The following MAGI2 variants were observed in gnomAD, a reference collection of about 807,000 sequenced individuals.
The protein encoded by MAGI2 is membrane-associated guanylate kinase, WW and PDZ domain-containing protein 2.
Under a neutral mutation model 133.3 loss-of-function variants are expected in MAGI2, and 35 were observed. That is an observed-to-expected ratio of 0.26 (90% confidence interval 0.20 to 0.35). MAGI2 has a LOEUF of 0.35. Ranked by LOEUF, MAGI2 falls within the 10% of genes least tolerant of loss-of-function variation. The pLI is 1.00. For synonymous variants in MAGI2, 729 were observed against 710.6 expected, an observed-to-expected ratio of 1.03 and a Z score of -0.41; for missense variants, 1,636 against 1,863.4, an observed-to-expected ratio of 0.88 and a Z score of 2.25.
intron 9 of MAGI2, among the ~76,000 whole-genome samples, chr7:78,292,915 T>A (rs566630283): frequency 4.5e-4 from 69 of 152,140 alleles, no homozygotes; most frequent in African/African-American, 1.5e-3. Flanking sequence ...CTTCCTTACA[T>A]CTTATACAAA....
chr7:79,125,148 CAGAGGCAGTGGTAAGAAA>C (rs1247972451), intron 1 of MAGI2: 1 of 320,484 alleles, frequency 3.1e-6, no homozygotes, highest in Non-Finnish European at 6.1e-6. Context: ...TCATTACTGA[CAGAGGCAGTGGTAAGAAA>C]AGGGGCTTTG....
intron 2 of MAGI2, among the ~76,000 whole-genome samples, chr7:78,892,653 T>C (rs1796863467): frequency 6.6e-6 from 1 of 152,170 alleles, no homozygotes; most frequent in Non-Finnish European, 1.5e-5. Context: ...TAATAAATGG[T>C]GCTGGGAAAA....
intron 10 of MAGI2, among the ~76,000 whole-genome samples, chr7:78,225,105 T>C (rs1220583739): frequency 2.0e-5 from 3 of 152,154 alleles, no homozygotes; most frequent in Non-Finnish European, 4.4e-5. Context: ...TTCTTTGGGA[T>C]ACTGCACAAA....
At chr7:79,113,577 C>G (rs1819128854) in intron 1 of MAGI2, among the ~76,000 whole-genome samples, 1 of 152,144 alleles carries the variant, frequency 6.6e-6, no homozygotes. Flanking sequence ...TCAAGATGTT[C>G]ATCTGTTACT....
chr7:78,548,721 A>C (rs1799083884), intron 3 of MAGI2, among the ~76,000 whole-genome samples: 1 of 152,118 alleles, frequency 6.6e-6, no homozygotes, highest in Admixed American at 6.6e-5. Context: ...AAAAACAAAC[A>C]AAAGATTGCT....
At chr7:78,890,029 G>T (rs1259617681) in intron 2 of MAGI2, among the ~76,000 whole-genome samples, 2 of 152,190 alleles carry the variant, frequency 1.3e-5, no homozygotes, top group Non-Finnish European at 2.9e-5. Flanking sequence ...AAGGGATGGA[G>T]GAAGATCTAC....
chr7:78,134,978 C>T lies in MAGI2; in HGVS notation c.3031+43G>A, dbSNP rs780693297. On this transcript the variant is annotated intron_variant, in intron 17 of 21. Coordinates refer to ENST00000354212, the MANE Select transcript of MAGI2 (RefSeq NM_012301.4). Reference sequence around the variant, plus strand: ...GCTGAGAACACCCGGTGAGTGTGTCCATGTGTTGGCCGCCTCTCTGCAAGG... The same window carrying T: ...GCTGAGAACACCCGGTGAGTGTGTCTATGTGTTGGCCGCCTCTCTGCAAGG... 3.2e-6 allele frequency: 5 copies of T among 1,577,294 alleles called. No homozygotes were observed. In the South Asian group the frequency reaches 5.7e-5, roughly 18 times the overall value.
At chr7:78,200,571 A>G (rs1250395347) in intron 11 of MAGI2, among the ~76,000 whole-genome samples, 3 of 152,074 alleles carry the variant, frequency 2.0e-5, no homozygotes, top group Admixed American at 6.6e-5. Flanking sequence ...GTGTGTGTGT[A>G]TGTGTGTGTG....
intron 8 of MAGI2, among the ~76,000 whole-genome samples, chr7:78,345,030 T>C (rs1790756587): frequency 6.6e-6 from 1 of 152,232 alleles, no homozygotes; most frequent in African/African-American, 2.4e-5. Flanking sequence ...GTATTCTGCA[T>C]GATATCTTTG....
chr7:79,027,823 A>G (rs9692231), intron 1 of MAGI2, among the ~76,000 whole-genome samples: 1 of 151,960 alleles, frequency 6.6e-6, no homozygotes, highest in Middle Eastern at 3.4e-3. Context: ...AGAATAATTT[A>G]AAAAAAATCA....
chr7:78,875,226 G>A (rs913194628), intron 2 of MAGI2, among the ~76,000 whole-genome samples: 1 of 152,160 alleles, frequency 6.6e-6, no homozygotes, highest in Admixed American at 6.5e-5. Flanking sequence ...AATTTCACCA[G>A]GTGAGATCTG....
intron 20 of MAGI2, among the ~76,000 whole-genome samples, chr7:78,118,088 A>G: frequency 6.6e-6 from 1 of 152,252 alleles, no homozygotes; most frequent in Non-Finnish European, 1.5e-5. Context: ...AGCAAAGGCA[A>G]TGCAATGAAG....
intron 1 of MAGI2, among the ~76,000 whole-genome samples, chr7:79,259,360 A>T (rs1585352705): frequency 6.6e-6 from 1 of 152,318 alleles, no homozygotes; most frequent in South Asian, 2.1e-4. Context: ...ATCAGCCACA[A>T]ATCACACAGA....
chr7:78,138,282 G>A (rs976655915), intron 16 of MAGI2, among the ~76,000 whole-genome samples: 1 of 152,220 alleles, frequency 6.6e-6, no homozygotes. Context: ...ATGAGTGGAA[G>A]TCAGGAACTT....
At chr7:78,422,434 C>T (rs1407107724) in intron 6 of MAGI2, among the ~76,000 whole-genome samples, 2 of 152,018 alleles carry the variant, frequency 1.3e-5, no homozygotes, top group Non-Finnish European at 2.9e-5. Context: ...TTCTACAAAA[C>T]AGGCAAACAC....
chr7:78,650,701 A>G lies in MAGI2; in HGVS notation c.419-23462T>C, dbSNP rs182273074. 4.6e-3 allele frequency among the ~76,000 whole-genome samples: 698 copies of G among 152,320 alleles called. 5 individuals carry two copies. Among genetic ancestry groups the G allele is most frequent in the Middle Eastern group, 0.01 (3 of 294 alleles). On this transcript the variant is annotated intron_variant, in intron 2 of 21. Coordinates refer to ENST00000354212, the MANE Select transcript of MAGI2 (RefSeq NM_012301.4). ...CCATTCCAAGTCAATAATGATATTC[A>G]GCAGTAGTCTTTGTCCTCCCTTCAC... is the stretch of plus-strand genomic sequence containing the variant.
At chr7:78,095,624 A>G (rs1295678037) in intron 20 of MAGI2, among the ~76,000 whole-genome samples, 1 of 152,170 alleles carries the variant, frequency 6.6e-6, no homozygotes, top group Non-Finnish European at 1.5e-5. Flanking sequence ...AGGATCCCCA[A>G]TTATGAAGGA....
At chr7:79,392,638 T>C (rs1487032788) in intron 1 of MAGI2, among the ~76,000 whole-genome samples, 1 of 152,242 alleles carries the variant, frequency 6.6e-6, no homozygotes, top group Non-Finnish European at 1.5e-5. Flanking sequence ...CATATGTTTG[T>C]TGGCAGCATA....
At chr7:79,247,165 A>G (rs1020268878) in intron 1 of MAGI2, among the ~76,000 whole-genome samples, 1 of 152,222 alleles carries the variant, frequency 6.6e-6, no homozygotes, top group Non-Finnish European at 1.5e-5. Context: ...CTTCAATCTG[A>G]AAGAAAAGGA....
Sources: allele counts gnomAD v4.1 joint callset (sites outside exome capture counted in the v4.1 genomes callset), GRCh38; gene constraint gnomAD v4.1.1; transcripts MANE v1.5; gene names NCBI Gene and HGNC (gene_info 2026-07-23, HGNC 2026-07-21).